ARHGAP6: variants seen among roughly 807,000 people sequenced by gnomAD.
ARHGAP6 encodes rho GTPase-activating protein 6.
ARHGAP6 carries 16 observed loss-of-function variants against 55.7 expected under a neutral mutation model. The observed-to-expected ratio is 0.29, with a 90% CI of 0.19 to 0.44. The LOEUF is 0.44. Ranked by LOEUF, ARHGAP6 falls within the 20% of genes least tolerant of loss-of-function variation. The pLI, the probability that ARHGAP6 is intolerant of heterozygous loss-of-function variation, is 1.00. For missense variants in ARHGAP6, 698 were observed against 808.9 expected, an observed-to-expected ratio of 0.86 and a Z score of 1.66; for synonymous variants, 382 against 360.9, an observed-to-expected ratio of 1.06 and a Z score of -0.66.
rs1030257483 is a variant in ARHGAP6 at position 11,346,750 on chromosome X, A to AGAAAGAAG, written c.589-92044_589-92043insCTTCTTTC. Among the ~76,000 whole-genome samples, 4 of 111,218 alleles carry AGAAAGAAG rather than the reference A, an allele frequency of 3.6e-5. No homozygotes were observed. In the East Asian group the frequency reaches 1.1e-3, roughly 31 times the overall value. On this transcript the variant is annotated intron_variant, in intron 1 of 12. Transcript: ENST00000337414. ...AAGAAAGAAAGAAAGAAAGAAAGAA[A>AGAAAGAAG]GAAAGAGAGAAAGAAAAGAAAAGAA...
intron 1 of ARHGAP6, among the ~76,000 whole-genome samples, chrX:11,473,340 A>T (rs762522483): frequency 9.7e-4 from 109 of 111,836 alleles, no homozygotes; most frequent in Admixed American, 4.7e-4. Context: ...TCCCAAAAAG[A>T]TATGGTCAAG....
intron 1 of ARHGAP6, among the ~76,000 whole-genome samples, chrX:11,595,243 T>C (rs1042857928): frequency 1.9e-5 from 2 of 107,169 alleles, no homozygotes; most frequent in African/African-American, 3.4e-5. Context: ...TGAGCCAAGA[T>C]TGTGCCATTG....
intron 5 of ARHGAP6, 48 bp from the exon 6 acceptor site, chrX:11,182,166 C>G: frequency 9.1e-7 from 1 of 1,095,217 alleles, no homozygotes; most frequent in Non-Finnish European, 1.3e-6. Context: ...TGGCTTGAGA[C>G]CCTGGAGGAA....
At chrX:11,320,810 CAGGTGTATAATATACACACACACACAT>C (rs2048423540) in intron 1 of ARHGAP6, among the ~76,000 whole-genome samples, 2 of 100,504 alleles carry the variant, frequency 2.0e-5, no homozygotes, top group Non-Finnish European at 4.1e-5. Context: ...CACACACACA[CAGGTGTATAATATACACACACACACAT>C]ATATAAACGC....
chrX:11,169,302 A>G (rs1397572368), intron 9 of ARHGAP6: 18 of 308,954 alleles, frequency 5.8e-5, no homozygotes, highest in Non-Finnish European at 8.4e-5. Flanking sequence ...ATAATTTGGC[A>G]TGTTTGTTTA....
chrX:11,178,168 G>T lies in ARHGAP6; in HGVS notation c.1561C>A (p.Arg521Ser), dbSNP rs777197971. 1 of 1,211,458 alleles carries T rather than the reference G, an allele frequency of 8.3e-7. No homozygotes were observed. The highest frequency in any genetic ancestry group is 3.0e-5 in the East Asian group (1 of 33,843). ...ACGATGGAGAGGAACTGTAGCAGGC[G>T]GTGGAGGGTGTCGCAGTTGCAGGGA... Reference protein sequence around the residue: ...LPPCNCDTLHRLLQFLSIVAR... With the variant: ...LPPCNCDTLHSLLQFLSIVAR... The change falls in exon 8 of 13, where the codon CGC becomes AGC. Residue 521 changes from arginine to serine, a missense_variant. Physicochemically the swap from Arg to Ser is moderately radical, Grantham distance 110. Coordinates refer to ENST00000337414, the MANE Select transcript of ARHGAP6 (RefSeq NM_013427.3).
intron 2 of ARHGAP6, among the ~76,000 whole-genome samples, chrX:11,241,514 T>G (rs1455675420): frequency 3.8e-5 from 4 of 104,909 alleles, no homozygotes; most frequent in Non-Finnish European, 7.8e-5. Context: ...GTCCCATCAT[T>G]CAGGCAATGC....
rs765345550 is a variant in ARHGAP6, at chrX:11,207,047, AT to A, written c.749-10052del. Among the ~76,000 whole-genome samples, 424 of 111,232 alleles carry A rather than the reference AT, an allele frequency of 3.8e-3. 1 individual carries two copies. Among genetic ancestry groups the A allele is most frequent in the Middle Eastern group, 0.014 (3 of 216 alleles). On this transcript the variant is annotated intron_variant, in intron 2 of 12. Transcript: ENST00000337414. ...CCCATTTCAGATGATGAAATAATACATTTCCTGCCCCTATTCTGGTTTTCTG... is the reference window on the plus strand; with the variant it reads ...CCCATTTCAGATGATGAAATAATACATTCCTGCCCCTATTCTGGTTTTCTG...
At chrX:11,374,690 G>A (rs1279378711) in intron 1 of ARHGAP6, among the ~76,000 whole-genome samples, 2 of 112,148 alleles carry the variant, frequency 1.8e-5, no homozygotes, top group Non-Finnish European at 1.9e-5. Context: ...ACTGCTATGC[G>A]TAAGAAGTTA....
At chrX:11,177,897 A>G (rs1417775835) in intron 8 of ARHGAP6, among the ~76,000 whole-genome samples, 1 of 111,624 alleles carries the variant, frequency 9.0e-6, no homozygotes, top group Non-Finnish European at 1.9e-5. Flanking sequence ...TACTTGAAAC[A>G]TATAAGGAGG....
rs776830081 is a variant in ARHGAP6, at chrX:11,183,180, A to G, written c.1274-1062T>C. 2.7e-5 allele frequency among the ~76,000 whole-genome samples: 3 copies of G among 111,265 alleles called. No homozygotes were observed. In the East Asian group the frequency reaches 8.5e-4, roughly 32 times the overall value. On this transcript the variant is annotated intron_variant, in intron 5 of 12. Transcript: ENST00000337414. ...AAATCTCACAAACCACCACTAAAGA[A>G]CTTACTCATGTAACCAAATACCACC...
chrX:11,578,878 T>C (rs886738630), intron 1 of ARHGAP6, among the ~76,000 whole-genome samples: 1 of 110,971 alleles, frequency 9.0e-6, no homozygotes, highest in South Asian at 3.8e-4. Context: ...ATGTCCTTTG[T>C]AGGGACATGG....
At chrX:11,554,199 G>C (rs1325496367) in intron 1 of ARHGAP6, among the ~76,000 whole-genome samples, 1 of 111,881 alleles carries the variant, frequency 8.9e-6, no homozygotes, top group African/African-American at 3.2e-5. Flanking sequence ...CGCACGGAAA[G>C]AGAAATACCA....
rs10576783 is a variant in ARHGAP6 at position 11,179,765 on chromosome X, C to CATATAT, written c.1330-319_1330-314dup. On this transcript the variant is annotated intron_variant, in intron 6 of 12. Transcript: ENST00000337414. ...ATATACATATATATGTATATGTATACATATATATATATATATATAAGCATT... is the reference window on the plus strand; with the variant it reads ...ATATACATATATATGTATATGTATACATATATATATATATATATATATATAAGCATT... Among the ~76,000 whole-genome samples the CATATAT allele has an allele frequency of 1.8e-4, 18 of 97,493 alleles. No individual in the cohort carries two copies. In the South Asian group the frequency reaches 2.8e-3, roughly 15 times the overall value. The allele number at this position is 97,493 out of a possible 115,157, so 84.7% of individuals were successfully genotyped here. A position where few individuals can be genotyped will look rare whatever the true frequency, so the allele number is the denominator to read the frequency against.
At chrX:11,517,626 G>A (rs938219998) in intron 1 of ARHGAP6, among the ~76,000 whole-genome samples, 1 of 111,266 alleles carries the variant, frequency 9.0e-6, no homozygotes, top group Non-Finnish European at 1.9e-5. Flanking sequence ...TATGATATTG[G>A]CTGTAGGTTT....
At chrX:11,187,740 G>A (rs1032877425) in intron 4 of ARHGAP6, among the ~76,000 whole-genome samples, 1 of 112,038 alleles carries the variant, frequency 8.9e-6, no homozygotes, top group Non-Finnish European at 1.9e-5. Flanking sequence ...AGGTCTCCAC[G>A]TGACAGAGGA....
chrX:11,276,339 A>T (rs2047765560), intron 1 of ARHGAP6, among the ~76,000 whole-genome samples: 1 of 112,144 alleles, frequency 8.9e-6, no homozygotes, highest in African/African-American at 3.2e-5. Flanking sequence ...GAATAGAAAC[A>T]GCACTAACAT....
chrX:11,503,743 A>C (rs1416306504), intron 1 of ARHGAP6, among the ~76,000 whole-genome samples: 2 of 111,474 alleles, frequency 1.8e-5, no homozygotes, highest in Non-Finnish European at 3.8e-5. Context: ...AGAATGTATT[A>C]GTTCTGCAAC....
At chrX:11,327,466 G>T (rs2048512807) in intron 1 of ARHGAP6, among the ~76,000 whole-genome samples, 1 of 112,211 alleles carries the variant, frequency 8.9e-6, no homozygotes, top group African/African-American at 3.2e-5. Flanking sequence ...ATTTGATGTT[G>T]CTGGATGTTT....
Sources: allele counts gnomAD v4.1 joint callset (sites outside exome capture counted in the v4.1 genomes callset), GRCh38; gene constraint gnomAD v4.1.1; transcripts MANE v1.5; gene names NCBI Gene and HGNC (gene_info 2026-07-23, HGNC 2026-07-21).